DNAAF4: variants seen among roughly 807,000 people sequenced by gnomAD.
DNAAF4 encodes dynein axonemal assembly factor 4.
DNAAF4 carries 43 observed loss-of-function variants against 51.8 expected under a neutral mutation model. That is an observed-to-expected ratio of 0.83 (90% CI 0.65 to 1.07). The LOEUF (loss-of-function observed/expected upper bound fraction) is 1.07, where lower values mean the gene tolerates loss of function less well. Among genes scored for constraint, DNAAF4 ranks in the 50% least tolerant of loss-of-function variants. DNAAF4 has a pLI of 0.00. For missense variants in DNAAF4, 581 were observed against 493.0 expected (o/e 1.18, Z -1.69); for synonymous variants, 194 against 165.6 (o/e 1.17, Z -1.32).
intron 4 of DNAAF4, among the ~76,000 whole-genome samples, chr15:55,487,319 C>G (rs2058504893): frequency 6.6e-6 from 1 of 152,158 alleles, no homozygotes; most frequent in East Asian, 1.9e-4. Context: ...AATCAGCATT[C>G]TGGAAAAATG....
At chr15:55,484,012 C>G (rs1407683526) in intron 4 of DNAAF4, among the ~76,000 whole-genome samples, 1 of 151,710 alleles carries the variant, frequency 6.6e-6, no homozygotes, top group African/African-American at 2.4e-5. Flanking sequence ...TAAAATGGCA[C>G]TGAAGAGCAC....
chr15:55,504,551 A>T (rs964820443), intron 1 of DNAAF4, among the ~76,000 whole-genome samples: 2 of 152,242 alleles, frequency 1.3e-5, no homozygotes, highest in Non-Finnish European at 2.9e-5. Flanking sequence ...CCAAAACAGC[A>T]TGGCACTGGT....
At chr15:55,427,580 C>T (rs1248226434), downstream of DNAAF4, among the ~76,000 whole-genome samples, 1 of 151,856 alleles carries the variant, frequency 6.6e-6, no homozygotes. Flanking sequence ...ATATTGTAAA[C>T]ACTGATCTTA....
At chr15:55,500,715 G>A (rs760914648) in intron 1 of DNAAF4, among the ~76,000 whole-genome samples, 3 of 152,044 alleles carry the variant, frequency 2.0e-5, no homozygotes, top group African/African-American at 2.4e-5. Context: ...CAAGTTGGCC[G>A]GGCGTGGTGG....
intron 1 of DNAAF4, among the ~76,000 whole-genome samples, chr15:55,499,373 T>C (rs1477390432): frequency 1.3e-5 from 2 of 152,210 alleles, no homozygotes; most frequent in African/African-American, 2.4e-5. Context: ...TGCGGTTCAA[T>C]CGTTCATTTG....
intron 7 of DNAAF4, among the ~76,000 whole-genome samples, chr15:55,437,926 G>A (rs1376926329): frequency 6.6e-6 from 1 of 152,118 alleles, no homozygotes; most frequent in Non-Finnish European, 1.5e-5. Context: ...CCACTTGGTG[G>A]TAGTTTGTTA....
At chr15:55,482,886 T>C (rs1019269564) in intron 4 of DNAAF4, among the ~76,000 whole-genome samples, 2 of 152,072 alleles carry the variant, frequency 1.3e-5, no homozygotes, top group African/African-American at 4.8e-5. Context: ...CATGCTACAA[T>C]ATGTATAAGC....
chr15:55,450,019 G>A (rs578134974), intron 6 of DNAAF4, among the ~76,000 whole-genome samples: 7 of 151,652 alleles, frequency 4.6e-5, no homozygotes, highest in African/African-American at 1.5e-4. Context: ...ATATTAAGTC[G>A]GTATTCTCTT....
At chr15:55,427,353 ACCGCG>A (rs1439937013), downstream of DNAAF4, among the ~76,000 whole-genome samples, 1 of 152,186 alleles carries the variant, frequency 6.6e-6, no homozygotes, top group Non-Finnish European at 1.5e-5. Context: ...GGCGTGAGCC[ACCGCG>A]CCCAGCCAGG....
At chr15:55,469,397 C>G (rs1229762508) in intron 4 of DNAAF4, among the ~76,000 whole-genome samples, 2 of 150,408 alleles carry the variant, frequency 1.3e-5, no homozygotes, top group African/African-American at 4.9e-5. Flanking sequence ...ACTGTTTATG[C>G]CTCTTATATA....
chr15:55,468,621 T>C (rs1000292139), intron 4 of DNAAF4, among the ~76,000 whole-genome samples: 1 of 152,154 alleles, frequency 6.6e-6, no homozygotes, highest in African/African-American at 2.4e-5. Context: ...GTCTGCCTTT[T>C]TTCACTCTCT....
At chr15:55,454,275 T>C (rs1270181522) in intron 5 of DNAAF4, among the ~76,000 whole-genome samples, 1 of 151,296 alleles carries the variant, frequency 6.6e-6, no homozygotes, top group African/African-American at 2.4e-5. Context: ...CACTCCAGCA[T>C]GGACAACAGA....
At chr15:55,459,213 A>G (rs989948157) in intron 5 of DNAAF4, among the ~76,000 whole-genome samples, 1 of 152,136 alleles carries the variant, frequency 6.6e-6, no homozygotes, top group African/African-American at 2.4e-5. Context: ...AGCCTCCTTA[A>G]ACAAAATAAT....
intron 4 of DNAAF4, among the ~76,000 whole-genome samples, chr15:55,476,136 T>G (rs1392083516): frequency 2.6e-5 from 4 of 152,152 alleles, no homozygotes; most frequent in African/African-American, 9.7e-5. Flanking sequence ...GGGAGTATGT[T>G]GCTAATAGAC....
intron 1 of DNAAF4, among the ~76,000 whole-genome samples, chr15:55,499,657 T>G (rs2058683262): frequency 6.6e-6 from 1 of 152,174 alleles, no homozygotes; most frequent in African/African-American, 2.4e-5. Flanking sequence ...TGCTCCAAAG[T>G]TTGAAAACTG....
At chr15:55,493,898 C>T (rs997909538) in intron 3 of DNAAF4, among the ~76,000 whole-genome samples, 2 of 147,892 alleles carry the variant, frequency 1.4e-5, no homozygotes, top group Admixed American at 1.4e-4. Context: ...GAGGTGAAGT[C>T]TCCCTATGTT....
chr15:55,432,065 C>T (rs1438735695), intron 9 of DNAAF4, among the ~76,000 whole-genome samples: 1 of 151,988 alleles, frequency 6.6e-6, no homozygotes, highest in Non-Finnish European at 1.5e-5. Flanking sequence ...AAGGGATTCT[C>T]CTGCCTTAGC....
chr15:55,468,935 G>A (rs1350386373), intron 4 of DNAAF4, among the ~76,000 whole-genome samples: 1 of 152,106 alleles, frequency 6.6e-6, no homozygotes, highest in Non-Finnish European at 1.5e-5. Flanking sequence ...GCTTCACAGA[G>A]TAGGTAACAG....
At chr15:55,506,269 C>T (rs1376228681) in intron 1 of DNAAF4, among the ~76,000 whole-genome samples, 1 of 152,124 alleles carries the variant, frequency 6.6e-6, no homozygotes, top group Non-Finnish European at 1.5e-5. Flanking sequence ...TTGGCATAAT[C>T]TTATTAATGT....
Sources: gnomAD v4.1 joint callset for allele counts (sites outside exome capture counted in the v4.1 genomes callset) on GRCh38, gnomAD v4.1.1 for gene constraint, MANE v1.5 for transcripts, NCBI Gene and HGNC (gene_info 2026-07-23, HGNC 2026-07-21) for gene names.